Variants in OFD1 observed in about 807,000 individuals in gnomAD.
OFD1 encodes the protein centriole and centriolar satellite protein OFD1.
In OFD1, 12 loss-of-function variants were observed where a neutral mutation model predicts 81.4. The observed-to-expected ratio is 0.15, with a 90% CI of 0.09 to 0.24. OFD1 has a LOEUF of 0.24. Among genes scored for constraint, OFD1 ranks in the 10% least tolerant of loss-of-function variants. OFD1 has a pLI of 1.00. For synonymous variants in OFD1, 256 were observed against 263.7 expected, an observed-to-expected ratio of 0.97 and a Z score of 0.28; for missense variants, 685 against 733.9, an observed-to-expected ratio of 0.93 and a Z score of 0.77.
chrX:13,763,069 C>T (rs898400799), intron 18 of OFD1, among the ~76,000 whole-genome samples: 9 of 112,666 alleles, frequency 8.0e-5, no homozygotes, highest in African/African-American at 2.9e-4. Flanking sequence ...TGCGCCCGGC[C>T]TAAGGATGTT....
At chrX:13,752,609 T>C (rs927852016) in intron 10 of OFD1, 12 of 773,608 alleles carry the variant, frequency 1.6e-5, no homozygotes, top group Non-Finnish European at 1.9e-5. Context: ...GAAGTGTCTG[T>C]AGTTGCTGAA....
At chrX:13,735,191 T>C in intron 1 of OFD1, 57 bp from the exon 2 acceptor site, 1 of 1,196,069 alleles carries the variant, frequency 8.4e-7, no homozygotes, top group East Asian at 3.0e-5. Flanking sequence ...TGGTCTGTTT[T>C]CAGACGTTCA....
At chrX:13,750,212 C>G (rs2047450357) in intron 9 of OFD1, among the ~76,000 whole-genome samples, 1 of 112,104 alleles carries the variant, frequency 8.9e-6, no homozygotes, top group South Asian at 3.7e-4. Flanking sequence ...CTACCTTACT[C>G]TCTTTTTGGC....
At chrX:13,729,438 AAC>A in the OFD1 span, among the ~76,000 whole-genome samples, 1 of 111,934 alleles carries the variant, frequency 8.9e-6, no homozygotes, top group East Asian at 2.8e-4. Context: ...CCTCAGAAAT[AAC>A]ACCACACATC....
In OFD1 at chrX:13,760,631, G is replaced by A. The variant is rs772635124; in HGVS notation, c.2171G>A (p.Arg724Lys). 1.3e-5 allele frequency: 16 copies of A among 1,211,400 alleles called. No homozygotes were observed. Among genetic ancestry groups the A allele is most frequent in the Non-Finnish European group, 1.8e-5 (16 of 895,193 alleles). Residue 724 changes from arginine (R) to lysine (K), a missense_variant, in exon 16 of 23, where the codon AGG (arginine) becomes AAG (lysine). Arg to Lys is a conservative substitution (Grantham distance 26). Transcript: ENST00000340096. ...GCACTGACAGGCAGTGCAGCCTCGA[G>A]GCTCCGCGGGGGCACTTCCTCCAGA... is the stretch of plus-strand genomic sequence containing the variant. Reference protein sequence around the residue: ...VEALTGSAASRLRGGTSSRRL... With the variant: ...VEALTGSAASKLRGGTSSRRL...
chrX:13,715,265 G>A, the OFD1 span, among the ~76,000 whole-genome samples: 1,225 of 112,939 alleles, frequency 0.011, 22 homozygotes, highest in African/African-American at 0.037. Context: ...TTGAGGTCAG[G>A]AGTTTGAGAC....
At chrX:13,733,855 C>A (rs2046740189), upstream of OFD1, among the ~76,000 whole-genome samples, 1 of 111,198 alleles carries the variant, frequency 9.0e-6, no homozygotes, top group Non-Finnish European at 1.9e-5. Flanking sequence ...GATAAAGACA[C>A]ACTTTTTCCA....
intron 5 of OFD1, 30 bp from the exon 6 acceptor site, chrX:13,744,385 G>A: frequency 1.1e-6 from 1 of 875,744 alleles, no homozygotes; most frequent in South Asian, 2.0e-5. Context: ...TGAAAGTTCT[G>A]AAACAAAACT....
chrX:13,744,312 T>C (rs1463133982), intron 5 of OFD1, 103 bp from the exon 6 acceptor site: 8 of 516,512 alleles, frequency 1.5e-5, no homozygotes, highest in Non-Finnish European at 2.7e-5. Flanking sequence ...AGGAAAGATA[T>C]ATAATGTAAA....
downstream of OFD1, chrX:13,771,434 A>AAAAG (rs966575341): frequency 6.2e-5 from 7 of 112,118 alleles, no homozygotes; most frequent in African/African-American, 2.3e-4. Flanking sequence ...CATTAACCAA[A>AAAAG]AAAGAGAATC....
At chrX:13,754,145 C>T (rs1489021023) in intron 11 of OFD1, among the ~76,000 whole-genome samples, 2 of 111,179 alleles carry the variant, frequency 1.8e-5, no homozygotes, top group Non-Finnish European at 3.8e-5. Flanking sequence ...ACACGCCCGG[C>T]TAATTTTTTG....
intron 8 of OFD1, 84 bp downstream of exon 8, chrX:13,747,037 G>A (rs2047323864): frequency 1.1e-6 from 1 of 887,433 alleles, no homozygotes; most frequent in Non-Finnish European, 1.7e-6. Flanking sequence ...GGATGGTACA[G>A]TTGATGGAAC....
Position 13,751,232 on chromosome X carries a change from A to G in OFD1, c.936-17A>G, listed in dbSNP as rs2146992165. Reference sequence around the variant, plus strand: ...CTATGGTAGTTTATTTACTTTTTATATTTTTGTTAATTTCAGGAACCAGAA... The same window carrying G: ...CTATGGTAGTTTATTTACTTTTTATGTTTTTGTTAATTTCAGGAACCAGAA... On this transcript the variant is annotated splice_polypyrimidine_tract_variant and intron_variant, in intron 9 of 22. Coordinates refer to ENST00000340096, the MANE Select transcript of OFD1 (RefSeq NM_003611.3). The G allele has an allele frequency of 2.5e-6, 3 of 1,201,354 alleles. No individual in the cohort carries two copies. Among genetic ancestry groups the G allele is most frequent in the Non-Finnish European group, 3.4e-6 (3 of 888,637 alleles).
intron 17 of OFD1, 79 bp downstream of exon 17, chrX:13,761,290 AT>A (rs112117780): frequency 5.5e-3 from 4,500 of 824,401 alleles, no homozygotes; most frequent in Non-Finnish European, 6.3e-3. Context: ...TTTTACTGGG[AT>A]TTTTTTTTTT....
intron 20 of OFD1, 87 bp downstream of exon 20, chrX:13,767,371 G>T: frequency 2.0e-6 from 2 of 996,372 alleles, no homozygotes; most frequent in Non-Finnish European, 2.9e-6. Flanking sequence ...GGAGTCAATT[G>T]GTGTACAAAG....
the OFD1 span, among the ~76,000 whole-genome samples, chrX:13,727,608 A>G: frequency 8.9e-6 from 1 of 112,433 alleles, no homozygotes; most frequent in Non-Finnish European, 1.9e-5. Flanking sequence ...CAGTGTGTAG[A>G]GGGAAATTTA....
downstream of OFD1, chrX:13,772,987 T>C (rs748346272): frequency 8.3e-7 from 1 of 1,210,646 alleles, no homozygotes; most frequent in Non-Finnish European, 1.1e-6. Context: ...GCTCGCATCC[T>C]TTAAGTAAGC....
In OFD1 at chrX:13,734,851, A is replaced by G; in HGVS notation, c.-221A>G. The stretch of plus-strand genomic sequence containing the variant: ...GTGCCTGGGTCCTCGCCCTTGCCTC[A>G]GAACCGCGAAGAAAGGAAGCTCGCG... On this transcript the variant is annotated 5_prime_UTR_variant, in exon 1 of 23. Coordinates refer to ENST00000340096, the MANE Select transcript of OFD1 (RefSeq NM_003611.3). The G allele has an allele frequency of 2.8e-6, 3 of 1,083,560 alleles. No homozygotes were observed. Among genetic ancestry groups the G allele is most frequent in the Non-Finnish European group, 2.4e-6 (2 of 839,982 alleles). 89.3% of individuals were successfully genotyped at this position (1,083,560 alleles called of 1,213,427 possible). A position where few individuals can be genotyped will look rare whatever the true frequency, so the allele number is the denominator to read the frequency against.
intron 11 of OFD1, among the ~76,000 whole-genome samples, chrX:13,753,788 T>C (rs756170336): frequency 1.1e-5 from 1 of 91,942 alleles, no homozygotes; most frequent in Non-Finnish European, 2.1e-5. Flanking sequence ...TGAGAGACTT[T>C]ATTTTTCACT....
Sources: gnomAD v4.1 joint callset for allele counts (sites outside exome capture counted in the v4.1 genomes callset) on GRCh38, gnomAD v4.1.1 for gene constraint, MANE v1.5 for transcripts, NCBI Gene and HGNC (gene_info 2026-07-23, HGNC 2026-07-21) for gene names.